Variants in MYBPC2 observed in about 807,000 individuals in gnomAD.
MYBPC2 encodes myosin-binding protein C, fast-type.
In MYBPC2, 122 loss-of-function variants were observed where a neutral mutation model predicts 137.0. The ratio of observed to expected loss-of-function variants is 0.89; its 90% confidence interval spans 0.77 to 1.03. The LOEUF (loss-of-function observed/expected upper bound fraction) is 1.03, where lower values mean the gene tolerates loss of function less well. Ranked by LOEUF, MYBPC2 falls within the 50% of genes least tolerant of loss-of-function variation. MYBPC2 has a pLI of 0.00. For synonymous variants in MYBPC2, 626 were observed against 612.3 expected (o/e 1.02, Z -0.33); for missense variants, 1,500 against 1,534.4 (o/e 0.98, Z 0.37).
Position 50,455,244 on chromosome 19 carries a change from T to C in MYBPC2, c.2151T>C (p.Asn717=). ...ILYEMRVFAV[N]AIGVSQPSMN... is the part of the protein sequence containing the mutation. ...ATGAGATGCGTGTCTTCGCCGTCAA[T>C]GCTATAGGGGTCTCCCAGCCCAGCA... Residue 717 remains asparagine, a synonymous_variant, in exon 19 of 28, where the codon AAT becomes AAC. Transcript: ENST00000357701. 1 of 1,613,738 alleles carries C rather than the reference T, an allele frequency of 6.2e-7. No homozygotes were observed. Among genetic ancestry groups the C allele is most frequent in the South Asian group, 1.1e-5 (1 of 91,066 alleles).
chr19:50,450,762 C>T (rs180874789), intron 13 of MYBPC2, 67 bp from the exon 14 acceptor site: 37 of 1,141,110 alleles, frequency 3.2e-5, no homozygotes, highest in South Asian at 2.9e-4. Context: ...CTGATTGAGG[C>T]GGTGCAGCCC....
rs557852048 is a variant in MYBPC2, at chr19:50,460,247, G to A, written c.2931+68G>A. 38 of 1,513,184 alleles carry A rather than the reference G, an allele frequency of 2.5e-5. No individual in the cohort carries two copies. The South Asian group carries it at 2.5e-4, about 10-fold the overall frequency. 93.7% of individuals were successfully genotyped at this position (1,513,184 alleles called of 1,614,324 possible). On this transcript the variant is annotated intron_variant, in intron 24 of 27. Coordinates refer to ENST00000357701, the MANE Select transcript of MYBPC2 (RefSeq NM_004533.4). Reference sequence around the variant, plus strand: ...GGCAGAGCAGGTGCAGATGTCCCCCGTTCACAGCTGGAAGGGCAGGGAGGG... The same window carrying A: ...GGCAGAGCAGGTGCAGATGTCCCCCATTCACAGCTGGAAGGGCAGGGAGGG...
chr19:50,434,560 T>C (rs1042102221), intron 1 of MYBPC2, among the ~76,000 whole-genome samples: 38 of 152,292 alleles, frequency 2.5e-4, no homozygotes, highest in African/African-American at 8.9e-4. Flanking sequence ...ATGCAGGGAA[T>C]GGGGTCCTTT....
rs202179599 is a variant in MYBPC2, at chr19:50,448,330, G to A, written c.1412G>A (p.Trp471Ter). ...EVSDEKVTGK[W>*]YKNGVEVRPS... ...TCTGATGAGAAAGTGACGGGCAAGT[G>A]GTATAAGAATGGGGTCGAGGTGCGG... The change falls in exon 13 of 28, where the codon TGG (tryptophan) becomes TAG (stop). Residue 471 changes from tryptophan (W) to a stop codon, truncating the protein, a stop_gained. Transcript: ENST00000357701. LOFTEE classifies it high-confidence loss of function. 6.2e-7 allele frequency: 1 copy of A among 1,613,904 alleles called. No individual in the cohort carries two copies. Among genetic ancestry groups the A allele is most frequent in the Non-Finnish European group, 8.5e-7 (1 of 1,179,832 alleles).
chr19:50,458,510 G>C (rs1473088526), intron 20 of MYBPC2, 77 bp from the exon 21 acceptor site: 2 of 1,542,930 alleles, frequency 1.3e-6, no homozygotes, highest in Non-Finnish European at 1.7e-6. Flanking sequence ...GCTGCGTGGG[G>C]CCCAAGTCCC....
chr19:50,443,282 C>T lies in MYBPC2; in HGVS notation c.903-212C>T, dbSNP rs147788427. The stretch of plus-strand genomic sequence containing the variant: ...AGGTTGCAGTGAGCTGTGATCGCAC[C>T]ACTGCACTCTAGCCTGGGTGACAGA... On this transcript the variant is annotated intron_variant, in intron 9 of 27. Coordinates refer to ENST00000357701, the MANE Select transcript of MYBPC2 (RefSeq NM_004533.4). Among the ~76,000 whole-genome samples, 607 of 152,148 alleles carry T rather than the reference C, an allele frequency of 4.0e-3. 3 individuals carry two copies. Among genetic ancestry groups the T allele is most frequent in the African/African-American group, 0.014 (587 of 41,508 alleles).
Position 50,454,310 on chromosome 19 carries a change from AG to A in MYBPC2, c.1957del (p.Asp653IlefsTer23). On this transcript the variant is annotated frameshift_variant, in exon 18 of 28. Transcript: ENST00000357701. LOFTEE classifies it high-confidence loss of function. ...PEAVRITSVG[E>X]DWAILVWEPP... ...GCTGTGCGCATCACCTCGGTTGGAG[AG>A]GATTGGGCCATCCTTGTCTGGGAGC... 6.2e-7 allele frequency: 1 copy of A among 1,611,592 alleles called. No individual in the cohort carries two copies. Among genetic ancestry groups the A allele is most frequent in the Non-Finnish European group, 8.5e-7 (1 of 1,178,946 alleles).
intron 1 of MYBPC2, among the ~76,000 whole-genome samples, chr19:50,433,766 C>A (rs2122572591): frequency 6.6e-6 from 1 of 150,828 alleles, no homozygotes; most frequent in South Asian, 2.1e-4. Flanking sequence ...AGGGTCTGGG[C>A]CACTTCTCTG....
chr19:50,458,466 T>G (rs564440072), intron 20 of MYBPC2, 121 bp from the exon 21 acceptor site: 7 of 1,177,592 alleles, frequency 5.9e-6, no homozygotes, highest in South Asian at 3.1e-5. Flanking sequence ...CTGCTGCTGC[T>G]TCTACTGGGA....
At chr19:50,452,520 C>A (rs865806545) in intron 16 of MYBPC2, among the ~76,000 whole-genome samples, 2 of 149,890 alleles carry the variant, frequency 1.3e-5, no homozygotes, top group Non-Finnish European at 3.0e-5. Context: ...ATCTATCTAT[C>A]TATCTATCTA....
At chr19:50,455,074 G>A (rs764360735) in intron 18 of MYBPC2, 34 bp from the exon 19 acceptor site, 18 of 1,574,352 alleles carry the variant, frequency 1.1e-5, no homozygotes, top group East Asian at 2.3e-5. Context: ...ATGCCCTCCC[G>A]TTCCCTCTTC....
At chr19:50,444,924 T>G (rs1412560104) in intron 11 of MYBPC2, among the ~76,000 whole-genome samples, 1 of 151,594 alleles carries the variant, frequency 6.6e-6, no homozygotes, top group Non-Finnish European at 1.5e-5. Flanking sequence ...GGTACCTGCC[T>G]TCATGGCATT....
At chr19:50,439,844 CA>C (rs1322466603) in intron 7 of MYBPC2, among the ~76,000 whole-genome samples, 1 of 152,214 alleles carries the variant, frequency 6.6e-6, no homozygotes, top group Non-Finnish European at 1.5e-5. Flanking sequence ...GAGCCCAGAG[CA>C]CGAGCAACTC....
intron 8 of MYBPC2, 93 bp downstream of exon 8, chr19:50,441,169 G>C: frequency 7.4e-7 from 1 of 1,346,482 alleles, no homozygotes; most frequent in Non-Finnish European, 9.9e-7. Flanking sequence ...CTATCTTTTC[G>C]AGGTCCCAAT....
In MYBPC2 at chr19:50,455,280, G is replaced by A. The variant is rs754900022; in HGVS notation, c.2187G>A (p.Lys729=). ...TCTCCCAGCCCAGCATGAACACCAA[G>A]CCTTTTATGCCTATTGGTAATGTCC... The part of the protein sequence containing the change: ...IGVSQPSMNT[K]PFMPIAPTSE... The change falls in exon 19 of 28, where the codon AAG becomes AAA. Residue 729 remains lysine (K), a synonymous_variant. Coordinates refer to ENST00000357701, the MANE Select transcript of MYBPC2 (RefSeq NM_004533.4). 4 of 1,613,410 alleles carry A rather than the reference G, an allele frequency of 2.5e-6. No homozygotes were observed. In the South Asian group the frequency reaches 4.4e-5, roughly 18 times the overall value.
intron 7 of MYBPC2, among the ~76,000 whole-genome samples, chr19:50,438,798 C>G (rs148775792): frequency 0.011 from 1,695 of 152,008 alleles, 30 homozygotes; most frequent in African/African-American, 0.038. Context: ...CCCAGGAGAT[C>G]AAGGCTGCAG....
chr19:50,434,525 G>A (rs745774948), intron 1 of MYBPC2, among the ~76,000 whole-genome samples: 11 of 152,192 alleles, frequency 7.2e-5, no homozygotes, highest in African/African-American at 1.4e-4. Flanking sequence ...AGGCTTCCCC[G>A]TGTAGGAATT....
chr19:50,451,799 T>C (rs2052956331), intron 15 of MYBPC2, 65 bp from the exon 16 acceptor site: 5 of 1,550,662 alleles, frequency 3.2e-6, no homozygotes, highest in African/African-American at 2.7e-5. Flanking sequence ...GGAGATTCTC[T>C]TGTGGGAACT....
chr19:50,437,620 T>G, intron 6 of MYBPC2, 39 bp from the exon 7 acceptor site: 1 of 1,594,954 alleles, frequency 6.3e-7, no homozygotes, highest in South Asian at 1.1e-5. Context: ...GGGGTGAATC[T>G]GAAGGGTCAA....
Sources: gnomAD v4.1 joint callset for allele counts (sites outside exome capture counted in the v4.1 genomes callset) on GRCh38, gnomAD v4.1.1 for gene constraint, MANE v1.5 for transcripts, NCBI Gene and HGNC (gene_info 2026-07-23, HGNC 2026-07-21) for gene names.